The following DRC9 variants were observed in gnomAD, a reference collection of about 807,000 sequenced individuals.
DRC9 encodes the protein dynein regulatory complex subunit 9, also known as dynein regulatory complex protein 9.
chr3:197,891,421 C>T, the DRC9 span: 5 of 1,240,994 alleles, frequency 4.0e-6, no homozygotes, highest in Admixed American at 1.7e-5. Context: ...CCAGCTGTGG[C>T]GAGATACTGA....
chr3:197,892,437 G>A, the DRC9 span, among the ~76,000 whole-genome samples: 2 of 152,124 alleles, frequency 1.3e-5, no homozygotes, highest in Non-Finnish European at 2.9e-5. Context: ...GCTTATAAGC[G>A]CACCTCTACT....
At chr3:197,923,603 T>C in the DRC9 span, among the ~76,000 whole-genome samples, 7,214 of 152,088 alleles carry the variant, frequency 0.047, 282 homozygotes, top group African/African-American at 0.11. Context: ...TGGTGGCAGG[T>C]GCCTGTAGTC....
At chr3:197,934,156 A>G in the DRC9 span, among the ~76,000 whole-genome samples, 29 of 136,410 alleles carry the variant, frequency 2.1e-4, no homozygotes, top group South Asian at 4.5e-4. Context: ...GATAATTCCA[A>G]TTTTCATTAT....
chr3:197,955,945 G>C, the DRC9 span: 2 of 639,178 alleles, frequency 3.1e-6, no homozygotes, highest in South Asian at 3.4e-5. Context: ...TACAGGGCGA[G>C]TACAGAGATT....
chr3:197,904,091 T>TATATATATACATAC, the DRC9 span, among the ~76,000 whole-genome samples: 86 of 105,854 alleles, frequency 8.1e-4, 4 homozygotes, highest in South Asian at 0.014. Flanking sequence ...TACATACATA[T>TATATATATACATAC]ATATATATAT....
chr3:197,913,757 A>G, the DRC9 span: 2 of 993,132 alleles, frequency 2.0e-6, no homozygotes, highest in African/African-American at 3.2e-5. Flanking sequence ...CCTCAAGTGG[A>G]GGGGCTGTTG....
chr3:197,951,510 G>A, the DRC9 span: 2 of 583,708 alleles, frequency 3.4e-6, no homozygotes, highest in Non-Finnish European at 6.1e-6. Flanking sequence ...CGGCCACCAC[G>A]CCCGGCTAGT....
chr3:197,934,678 G>A, the DRC9 span, among the ~76,000 whole-genome samples: 2 of 151,952 alleles, frequency 1.3e-5, no homozygotes, highest in Non-Finnish European at 2.9e-5. Context: ...CCTAAGTGGA[G>A]CTGTTTAGGC....
the DRC9 span, among the ~76,000 whole-genome samples, chr3:197,947,022 G>A: frequency 6.6e-6 from 1 of 152,116 alleles, no homozygotes; most frequent in African/African-American, 2.4e-5. Context: ...TGTTGGCCAG[G>A]CTGGTCTCGA....
At chr3:197,896,416 G>T in the DRC9 span, among the ~76,000 whole-genome samples, 1 of 151,718 alleles carries the variant, frequency 6.6e-6, no homozygotes, top group Non-Finnish European at 1.5e-5. Flanking sequence ...CAAATAACTA[G>T]AGTTTGGCAA....
the DRC9 span, among the ~76,000 whole-genome samples, chr3:197,952,108 G>A: frequency 6.7e-6 from 1 of 149,740 alleles, no homozygotes; most frequent in African/African-American, 2.5e-5. Context: ...CAGAATTTAA[G>A]GATTTTTAGA....
chr3:197,927,888 A>G, the DRC9 span, among the ~76,000 whole-genome samples: 4,756 of 143,754 alleles, frequency 0.033, 272 homozygotes, highest in African/African-American at 0.11. Flanking sequence ...GTTCTCATTC[A>G]TAGGTGGGAG....
chr3:197,948,150 C>G, the DRC9 span, among the ~76,000 whole-genome samples: 1 of 152,078 alleles, frequency 6.6e-6, no homozygotes, highest in Non-Finnish European at 1.5e-5. Flanking sequence ...CCAGGCTGGT[C>G]TCAAACTCCT....
At chr3:197,891,816 C>T in the DRC9 span, among the ~76,000 whole-genome samples, 1 of 152,236 alleles carries the variant, frequency 6.6e-6, no homozygotes, top group African/African-American at 2.4e-5. Flanking sequence ...GATCAATGAT[C>T]TCAAAATAAT....
chr3:197,931,020 G>A, the DRC9 span, among the ~76,000 whole-genome samples: 1 of 150,344 alleles, frequency 6.7e-6, no homozygotes, highest in African/African-American at 2.5e-5. Flanking sequence ...GTGACAGAGC[G>A]AGACTCCATC....
chr3:197,897,722 T>C, the DRC9 span, among the ~76,000 whole-genome samples: 1 of 151,100 alleles, frequency 6.6e-6, no homozygotes, highest in Non-Finnish European at 1.5e-5. Flanking sequence ...AGTCTGACCA[T>C]AACCATAAAT....
chr3:197,910,098 G>A, the DRC9 span, among the ~76,000 whole-genome samples: 1 of 152,158 alleles, frequency 6.6e-6, no homozygotes, highest in Non-Finnish European at 1.5e-5. Flanking sequence ...AGAAAGGGGA[G>A]TAATTTAAGA....
chr3:197,913,871 C>T, the DRC9 span: 1 of 1,613,944 alleles, frequency 6.2e-7, no homozygotes, highest in Non-Finnish European at 8.5e-7. Flanking sequence ...GCTAATGTCC[C>T]AGGGATTACC....
the DRC9 span, chr3:197,950,806 A>G: frequency 1.3e-6 from 1 of 755,198 alleles, no homozygotes; most frequent in Non-Finnish European, 2.2e-6. Context: ...ATGTTCTGGC[A>G]TTGTTGTCCC....
Sources: allele counts gnomAD v4.1 joint callset (sites outside exome capture counted in the v4.1 genomes callset), GRCh38; gene constraint gnomAD v4.1.1; transcripts MANE v1.5; gene names NCBI Gene and HGNC (gene_info 2026-07-23, HGNC 2026-07-21).